The following POU2F1 variants were observed in gnomAD, a reference collection of about 807,000 sequenced individuals.
POU2F1 encodes POU class 2 homeobox 1, also known as POU domain, class 2, transcription factor 1.
Under a neutral mutation model 84.9 loss-of-function variants are expected in POU2F1, and 16 were observed. The observed-to-expected ratio is 0.19, with a 90% CI of 0.13 to 0.29. The LOEUF is 0.29. POU2F1 is among the 10% of genes least tolerant of loss of function. POU2F1 has a pLI of 1.00. For missense variants in POU2F1, 738 were observed against 942.6 expected, an observed-to-expected ratio of 0.78 and a Z score of 2.84; for synonymous variants, 368 against 368.3, an observed-to-expected ratio of 1.00 and a Z score of 0.01.
chr1:167,296,043 T>G (rs1429966337), intron 1 of POU2F1, among the ~76,000 whole-genome samples: 1 of 152,108 alleles, frequency 6.6e-6, no homozygotes, highest in Non-Finnish European at 1.5e-5. Flanking sequence ...TTTTTTAGTT[T>G]CTGTACAGTT....
chr1:167,343,048 G>A (rs540071721), intron 2 of POU2F1, among the ~76,000 whole-genome samples: 1 of 152,012 alleles, frequency 6.6e-6, no homozygotes, highest in African/African-American at 2.4e-5. Context: ...TTTAATAGAT[G>A]TCAGTTACAG....
At chr1:167,271,527 A>C (rs1358958799) in intron 1 of POU2F1, among the ~76,000 whole-genome samples, 2 of 152,250 alleles carry the variant, frequency 1.3e-5, no homozygotes, top group African/African-American at 4.8e-5. Flanking sequence ...GGAGCTTTAC[A>C]GTATTTCAAG....
chr1:167,299,163 CAAAAAAAAAAAA>C (rs71073663), intron 1 of POU2F1, among the ~76,000 whole-genome samples: 3 of 96,856 alleles, frequency 3.1e-5, no homozygotes, highest in African/African-American at 1.3e-4. Flanking sequence ...AACGCCATCT[CAAAAAAAAAAAA>C]AAAAAAAAAG....
chr1:167,393,480 T>G (rs1305851073), intron 9 of POU2F1, among the ~76,000 whole-genome samples: 1 of 152,140 alleles, frequency 6.6e-6, no homozygotes, highest in East Asian at 1.9e-4. Context: ...GATTTTTTAA[T>G]ATATATTTTA....
At chr1:167,401,806 A>G (rs555259537) in intron 13 of POU2F1, among the ~76,000 whole-genome samples, 3 of 152,328 alleles carry the variant, frequency 2.0e-5, no homozygotes, top group African/African-American at 4.8e-5. Flanking sequence ...ATCTCCCACT[A>G]GTCTTTTGCC....
chr1:167,230,402 G>A (rs962030802), intron 1 of POU2F1, among the ~76,000 whole-genome samples: 1 of 152,098 alleles, frequency 6.6e-6, no homozygotes, highest in Non-Finnish European at 1.5e-5. Context: ...TAAAATAAGG[G>A]ATTTCAAACT....
At chr1:167,343,801 T>C (rs958677633) in intron 2 of POU2F1, among the ~76,000 whole-genome samples, 2 of 151,520 alleles carry the variant, frequency 1.3e-5, no homozygotes, top group African/African-American at 4.9e-5. Flanking sequence ...GACTTGACAA[T>C]GAGATGATGA....
intron 2 of POU2F1, among the ~76,000 whole-genome samples, chr1:167,340,436 T>TTTC (rs1557907746): frequency 2.1e-5 from 3 of 144,016 alleles, no homozygotes; most frequent in African/African-American, 7.8e-5. Flanking sequence ...TTTTTCTTTT[T>TTTC]TTTTTTTTTT....
At chr1:167,270,213 A>T (rs1272070380) in intron 1 of POU2F1, among the ~76,000 whole-genome samples, 1 of 152,204 alleles carries the variant, frequency 6.6e-6, no homozygotes, top group Non-Finnish European at 1.5e-5. Flanking sequence ...TCTTCAAATA[A>T]ATATACATAG....
At chr1:167,225,817 C>T (rs1323219898) in intron 1 of POU2F1, among the ~76,000 whole-genome samples, 1 of 152,040 alleles carries the variant, frequency 6.6e-6, no homozygotes, top group Non-Finnish European at 1.5e-5. Context: ...TTGTTGTTAT[C>T]GGTTATTTTT....
At chr1:167,352,029 T>C (rs1658619885) in intron 2 of POU2F1, among the ~76,000 whole-genome samples, 1 of 152,324 alleles carries the variant, frequency 6.6e-6, no homozygotes, top group East Asian at 1.9e-4. Flanking sequence ...GTGTGTCTCT[T>C]TTAAGAGACT....
chr1:167,326,192 C>T (rs956636652), intron 1 of POU2F1, among the ~76,000 whole-genome samples: 1 of 152,248 alleles, frequency 6.6e-6, no homozygotes, highest in South Asian at 2.1e-4. Flanking sequence ...TTACAATCAA[C>T]TCCTCAACTA....
At chr1:167,295,087 A>G (rs1654200074) in intron 1 of POU2F1, among the ~76,000 whole-genome samples, 1 of 151,584 alleles carries the variant, frequency 6.6e-6, no homozygotes, top group Admixed American at 6.6e-5. Flanking sequence ...ACGCCACTGC[A>G]CTCCAGCCTC....
chr1:167,375,547 C>A (rs374930332), intron 6 of POU2F1, among the ~76,000 whole-genome samples: 5 of 151,852 alleles, frequency 3.3e-5, no homozygotes, highest in Non-Finnish European at 7.4e-5. Context: ...TGGAAAAGGG[C>A]AAAAAAATTG....
chr1:167,230,600 C>A (rs962482417), intron 1 of POU2F1, among the ~76,000 whole-genome samples: 9 of 152,232 alleles, frequency 5.9e-5, no homozygotes, highest in African/African-American at 2.2e-4. Flanking sequence ...CTTAAGGGAC[C>A]TGTCTGTCCA....
At chr1:167,402,232 C>T (rs1248740540) in intron 13 of POU2F1, among the ~76,000 whole-genome samples, 2 of 152,076 alleles carry the variant, frequency 1.3e-5, no homozygotes, top group African/African-American at 4.8e-5. Flanking sequence ...GTGCATAAGA[C>T]ATGCTGTAAT....
At chr1:167,303,411 T>C (rs1654851145) in intron 1 of POU2F1, 1 of 154,392 alleles carries the variant, frequency 6.5e-6, no homozygotes, top group Non-Finnish European at 1.5e-5. Flanking sequence ...GTTCTCTCTT[T>C]AAGTGTTAGG....
At chr1:167,347,239 T>C (rs1658263473) in intron 2 of POU2F1, among the ~76,000 whole-genome samples, 1 of 152,264 alleles carries the variant, frequency 6.6e-6, no homozygotes, top group Non-Finnish European at 1.5e-5. Context: ...TTAATTGAAG[T>C]AGTATATTAT....
chr1:167,295,276 C>T (rs1654217928), intron 1 of POU2F1, among the ~76,000 whole-genome samples: 1 of 152,136 alleles, frequency 6.6e-6, no homozygotes, highest in Admixed American at 6.5e-5. Context: ...ATGGAACCAA[C>T]CTGAGTGTCC....
Sources: gnomAD v4.1 joint callset for allele counts (sites outside exome capture counted in the v4.1 genomes callset) on GRCh38, gnomAD v4.1.1 for gene constraint, MANE v1.5 for transcripts, NCBI Gene and HGNC (gene_info 2026-07-23, HGNC 2026-07-21) for gene names.